CNIH1: variants seen among roughly 807,000 people sequenced by gnomAD.
CNIH1 encodes protein cornichon homolog 1.
CNIH1 carries 12 observed loss-of-function variants against 20.2 expected under a neutral mutation model. The observed-to-expected ratio is 0.59, with a 90% confidence interval of 0.38 to 0.96. The LOEUF (loss-of-function observed/expected upper bound fraction) is 0.96. CNIH1 is among the 40% of genes least tolerant of loss of function. The pLI is 0.00. For synonymous variants in CNIH1, 69 were observed against 63.3 expected (o/e 1.09, Z -0.43); for missense variants, 152 against 178.8 (o/e 0.85, Z 0.85).
At position 54,425,241 on chromosome 14, in the gene CNIH1, G is replaced by A. The variant is rs1447546393; in HGVS notation, c.*2573C>T. 1 of 152,108 alleles carries A rather than the reference G, an allele frequency of 6.6e-6. No homozygotes were observed. Among genetic ancestry groups the A allele is most frequent in the Non-Finnish European group, 1.5e-5 (1 of 68,016 alleles). The allele number at this position is 152,108 out of a possible 1,614,324, so 9.4% of individuals were successfully genotyped here. A position where few individuals can be genotyped will look rare whatever the true frequency, so the allele number is the denominator to read the frequency against. On this transcript the variant is annotated 3_prime_UTR_variant, in exon 5 of 5. Transcript: ENST00000216416. ...TTCAGGACAATCTGTGGTATCCATA[G>A]CAACAAAAAGTTGTTGGTATAGATA...
intron 3 of CNIH1, among the ~76,000 whole-genome samples, 189 bp from the exon 4 acceptor site, chr14:54,430,593 G>A (rs2030914833): frequency 6.6e-6 from 1 of 152,198 alleles, no homozygotes; most frequent in Admixed American, 6.5e-5. Context: ...TGAGCAGAAT[G>A]AGATAGCTAA....
intron 3 of CNIH1, among the ~76,000 whole-genome samples, chr14:54,431,272 C>T (rs568607026): frequency 1.3e-5 from 2 of 152,138 alleles, no homozygotes; most frequent in South Asian, 2.1e-4. Flanking sequence ...AGTTTATAGG[C>T]GCCCGCCACC....
At position 54,432,131 on chromosome 14, in the gene CNIH1, G is replaced by A. The variant is rs1409423310; in HGVS notation, c.240C>T (p.Pro80=). Residue 80 remains proline, a synonymous_variant, in exon 3 of 5, where the codon CCC becomes CCT. Coordinates refer to ENST00000216416, the MANE Select transcript of CNIH1 (RefSeq NM_005776.3). ...ACCTCCAAATATGATATGCCAAGAG[G>A]GGCATATTGAGACCCAGTGTAAGCC... is the stretch of plus-strand genomic sequence containing the variant. ...AEWLTLGLNM[P]LLAYHIWRYM... is the part of the protein sequence containing the mutation. 1.9e-6 allele frequency: 3 copies of A among 1,541,086 alleles called. No homozygotes were observed. Among genetic ancestry groups the A allele is most frequent in the African/African-American group, 2.7e-5 (2 of 72,768 alleles).
In CNIH1 at chr14:54,430,442, C is replaced by T. The variant is rs369493773; in HGVS notation, c.264-38G>A. 4 of 1,569,496 alleles carry T rather than the reference C, an allele frequency of 2.5e-6. No individual in the cohort carries two copies. In the African/African-American group the frequency reaches 4.1e-5, roughly 16 times the overall value. The stretch of plus-strand genomic sequence containing the variant: ...CAGTCTATTAGGCATTCAGAAAGGG[C>T]AGTAAATGTTCAGATAAGAAAGCAG... On this transcript the variant is annotated intron_variant, in intron 3 of 4. Transcript: ENST00000216416.
At chr14:54,435,863 T>A (rs1259845704) in intron 2 of CNIH1, among the ~76,000 whole-genome samples, 1 of 152,176 alleles carries the variant, frequency 6.6e-6, no homozygotes, top group Non-Finnish European at 1.5e-5. Flanking sequence ...TGCCTATGGC[T>A]ATAACATAAA....
At chr14:54,431,517 T>C (rs2030943157) in intron 3 of CNIH1, among the ~76,000 whole-genome samples, 1 of 152,318 alleles carries the variant, frequency 6.6e-6, no homozygotes, top group East Asian at 1.9e-4. Flanking sequence ...TCTCCTAAAA[T>C]CAAGGGCAAT....
intron 1 of CNIH1, among the ~76,000 whole-genome samples, chr14:54,440,221 C>T (rs1240040759): frequency 6.6e-6 from 1 of 152,110 alleles, no homozygotes; most frequent in African/African-American, 2.4e-5. Flanking sequence ...TGAAACCTGA[C>T]TTAAAATCTA....
chr14:54,438,549 C>T (rs1033810232), intron 1 of CNIH1, among the ~76,000 whole-genome samples: 1 of 152,176 alleles, frequency 6.6e-6, no homozygotes, highest in African/African-American at 2.4e-5. Context: ...ATTTTTCAAA[C>T]AATCTATGCT....
intron 1 of CNIH1, among the ~76,000 whole-genome samples, chr14:54,438,300 T>C (rs998172374): frequency 6.6e-6 from 1 of 152,190 alleles, no homozygotes; most frequent in Non-Finnish European, 1.5e-5. Flanking sequence ...TTTAACTATG[T>C]TGTTGAATGG....
chr14:54,436,195 A>G (rs1373815640), intron 2 of CNIH1, 174 bp downstream of exon 2: 1 of 707,422 alleles, frequency 1.4e-6, no homozygotes, highest in African/African-American at 1.7e-5. Flanking sequence ...TCACCAGCAG[A>G]TTAATAATAG....
chr14:54,436,134 C>T (rs1433033157), intron 2 of CNIH1: 5 of 703,048 alleles, frequency 7.1e-6, no homozygotes, highest in East Asian at 5.4e-5. Flanking sequence ...TGTCTTTGGC[C>T]GACAATGTAA....
chr14:54,438,319 T>C (rs879245766), intron 1 of CNIH1, among the ~76,000 whole-genome samples: 1 of 152,196 alleles, frequency 6.6e-6, no homozygotes, highest in Non-Finnish European at 1.5e-5. Flanking sequence ...GGGTTTCTCT[T>C]TGAGTGCTAT....
intron 2 of CNIH1, among the ~76,000 whole-genome samples, chr14:54,433,637 T>A (rs1288750333): frequency 1.3e-5 from 2 of 152,212 alleles, no homozygotes; most frequent in African/African-American, 4.8e-5. Flanking sequence ...AGAATTCCAC[T>A]AGAGTTGCTT....
At chr14:54,436,830 C>T (rs765299049) in intron 1 of CNIH1, 3 of 434,672 alleles carry the variant, frequency 6.9e-6, no homozygotes, top group South Asian at 5.1e-5. Context: ...TTTCTGCAGG[C>T]TTTCCTAACT....
intron 4 of CNIH1, among the ~76,000 whole-genome samples, chr14:54,429,242 C>G (rs1022892928): frequency 6.6e-6 from 1 of 152,212 alleles, no homozygotes; most frequent in African/African-American, 2.4e-5. Context: ...GGCAATTTTG[C>G]CCCTCAGGAC....
chr14:54,437,337 T>C (rs973666372), intron 1 of CNIH1, among the ~76,000 whole-genome samples: 1 of 152,216 alleles, frequency 6.6e-6, no homozygotes, highest in African/African-American at 2.4e-5. Flanking sequence ...TCTTTATATG[T>C]GAAAGTGTTG....
chr14:54,427,520 GAGGATT>G lies in CNIH1; in HGVS notation c.*288_*293del, dbSNP rs2030849309. ...CAGTCAGTAATTAATGCATCATTCA[GAGGATT>G]ATGGCTGTTCCTTAAGAAGTGCAAG... On this transcript the variant is annotated 3_prime_UTR_variant, in exon 5 of 5. Coordinates refer to ENST00000216416, the MANE Select transcript of CNIH1 (RefSeq NM_005776.3). The G allele has an allele frequency of 2.1e-5, 8 of 379,094 alleles. No individual in the cohort carries two copies. In the South Asian group the frequency reaches 4.3e-4, roughly 20 times the overall value. The allele number at this position is 379,094 out of a possible 1,614,324, so 23.5% of individuals were successfully genotyped here.
At position 54,426,078 on chromosome 14, in the gene CNIH1, G is replaced by C. The variant is rs1390588328; in HGVS notation, c.*1736C>G. ...GACTGGAAACTGAATGACTGCCTGT[G>C]CTCAAAGCATGAATCTTGAGAGCCC... is the stretch of plus-strand genomic sequence containing the variant. On this transcript the variant is annotated 3_prime_UTR_variant, in exon 5 of 5. Transcript: ENST00000216416. The C allele has an allele frequency of 2.6e-5, 4 of 152,150 alleles. No individual in the cohort carries two copies. Among genetic ancestry groups the C allele is most frequent in the Non-Finnish European group, 5.9e-5 (4 of 68,012 alleles). 9.4% of individuals were successfully genotyped at this position (152,150 alleles called of 1,614,324 possible). A position where few individuals can be genotyped will look rare whatever the true frequency, so the allele number is the denominator to read the frequency against.
chr14:54,441,237 A>C lies in CNIH1; in HGVS notation c.81+10T>G. On this transcript the variant is annotated intron_variant, in intron 1 of 4. Transcript: ENST00000216416. The stretch of plus-strand genomic sequence containing the variant: ...GCCTCGCCCTCCTTTCCCCAGCCCC[A>C]GCTACTCACGTGCCAAATGGCGAAG... The C allele has an allele frequency of 6.6e-7, 1 of 1,507,196 alleles. No homozygotes were observed. Among genetic ancestry groups the C allele is most frequent in the Non-Finnish European group, 8.9e-7 (1 of 1,125,576 alleles). The allele number at this position is 1,507,196 out of a possible 1,614,324, so 93.4% of individuals were successfully genotyped here.
Sources: allele counts gnomAD v4.1 joint callset (sites outside exome capture counted in the v4.1 genomes callset), GRCh38; gene constraint gnomAD v4.1.1; transcripts MANE v1.5; gene names NCBI Gene and HGNC (gene_info 2026-07-23, HGNC 2026-07-21).